C2CD2: variants seen among roughly 807,000 people sequenced by gnomAD.
The protein encoded by C2CD2 is C2 calcium dependent domain containing 2.
Under a neutral mutation model 74.3 loss-of-function variants are expected in C2CD2, and 43 were observed. That is an observed-to-expected ratio of 0.58 (90% CI 0.45 to 0.75). The LOEUF (loss-of-function observed/expected upper bound fraction) is 0.75. C2CD2 is among the 30% of genes least tolerant of loss of function. C2CD2 has a pLI of 0.00. For synonymous variants in C2CD2, 422 were observed against 390.7 expected (o/e 1.08, Z -0.94); for missense variants, 801 against 916.3 (o/e 0.87, Z 1.63).
At chr21:41,901,396 C>G in intron 12 of C2CD2, 1 of 589,988 alleles carries the variant, frequency 1.7e-6, no homozygotes, top group Non-Finnish European at 3.0e-6. Flanking sequence ...ACGTGTAAAG[C>G]GTCCCTGATT....
Position 41,903,113 on chromosome 21 carries a change from C to T in C2CD2, c.1433-1364G>A, listed in dbSNP as rs1445275893. On this transcript the variant is annotated intron_variant, in intron 11 of 13. Transcript: ENST00000380486. This position sits in a 1 kb window ranked among gnomAD's most constrained non-coding sequence, Gnocchi z 4.5. ...TCCAGGTTGTGAACCAACGCATGCA[C>T]GTACTGGGAAAGGGGCGACTCCACG... is the stretch of plus-strand genomic sequence containing the variant. Among the ~76,000 whole-genome samples the T allele has an allele frequency of 1.3e-5, 2 of 152,164 alleles. No homozygotes were observed. Among genetic ancestry groups the T allele is most frequent in the African/African-American group, 2.4e-5 (1 of 41,438 alleles).
rs1666209169 is a variant in C2CD2, at chr21:41,926,995, C to G, written c.379-4910G>C. On this transcript the variant is annotated intron_variant, in intron 2 of 13. Coordinates refer to ENST00000380486, the MANE Select transcript of C2CD2 (RefSeq NM_015500.2). This position sits in a 1 kb window ranked among gnomAD's most constrained non-coding sequence, Gnocchi z 8.0. ...TCCCCACTCTGCAAGCGAGTCTCAC[C>G]TCTGTAAATATCCTTTAAGACAGTA... is the stretch of plus-strand genomic sequence containing the variant. Among the ~76,000 whole-genome samples, 1 of 152,164 alleles carries G rather than the reference C, an allele frequency of 6.6e-6. No homozygotes were observed. Among genetic ancestry groups the G allele is most frequent in the South Asian group, 2.1e-4 (1 of 4,834 alleles).
intron 3 of C2CD2, among the ~76,000 whole-genome samples, chr21:41,921,184 G>T (rs1012608518): frequency 6.6e-6 from 1 of 152,238 alleles, no homozygotes; most frequent in African/African-American, 2.4e-5. Context: ...AATTCTGCAT[G>T]ACTTGAGCTC....
Position 41,914,529 on chromosome 21 carries a change from C to T in C2CD2, c.844+69G>A, listed in dbSNP as rs112367162. 3.2e-4 allele frequency: 459 copies of T among 1,450,088 alleles called. 2 individuals are homozygous for T. Among genetic ancestry groups the T allele is most frequent in the Middle Eastern group, 1.5e-3 (6 of 4,108 alleles). The allele number at this position is 1,450,088 out of a possible 1,614,324, so 89.8% of individuals were successfully genotyped here. On this transcript the variant is annotated intron_variant, in intron 6 of 13. Transcript: ENST00000380486. ...TGCCACCAGAGAATCCAAGGCCCCC[C>T]GGAGCCCCCGACTCTGCTCAGGGGC...
intron 2 of C2CD2, among the ~76,000 whole-genome samples, chr21:41,928,119 C>A (rs1878186465): frequency 6.6e-6 from 1 of 152,244 alleles, no homozygotes; most frequent in Admixed American, 6.5e-5. Context: ...GTTCCTTTAA[C>A]ATGAAGAGCA....
intron 13 of C2CD2, among the ~76,000 whole-genome samples, chr21:41,897,496 C>T (rs1225973072): frequency 6.6e-6 from 1 of 152,190 alleles, no homozygotes; most frequent in East Asian, 1.9e-4. Flanking sequence ...AACAGGAGCA[C>T]AGGAGCCTGC....
At chr21:41,948,868 A>ATTTTTTTTT (rs1569085046) in intron 1 of C2CD2, among the ~76,000 whole-genome samples, 6 of 31,068 alleles carry the variant, frequency 1.9e-4, no homozygotes, top group Non-Finnish European at 4.8e-4. Context: ...TCCACACAGC[A>ATTTTTTTTT]TCTTTTTTTT....
At chr21:41,894,164 G>C (rs2064792684) in intron 13 of C2CD2, among the ~76,000 whole-genome samples, 1 of 152,162 alleles carries the variant, frequency 6.6e-6, no homozygotes, top group African/African-American at 2.4e-5. Context: ...TCTCGAACAG[G>C]GCACAGTCAT....
intron 13 of C2CD2, among the ~76,000 whole-genome samples, chr21:41,898,339 G>T (rs1261067601): frequency 6.6e-6 from 1 of 152,204 alleles, no homozygotes; most frequent in Non-Finnish European, 1.5e-5. Context: ...GGAGGAGGAT[G>T]CTGAGGCTCG....
At position 41,903,354 on chromosome 21, in the gene C2CD2, C is replaced by A. The variant is rs976728619; in HGVS notation, c.1433-1605G>T. Among the ~76,000 whole-genome samples, 20 of 152,144 alleles carry A rather than the reference C, an allele frequency of 1.3e-4. No homozygotes were observed. Among genetic ancestry groups the A allele is most frequent in the Non-Finnish European group, 2.8e-4 (19 of 68,006 alleles). ...AAAAGTGTGGTAACCTGGGGACCCA[C>A]TATTTGCACCTGACATCTAAAGTGG... On this transcript the variant is annotated intron_variant, in intron 11 of 13. Transcript: ENST00000380486. This position sits in a 1 kb window ranked among gnomAD's most constrained non-coding sequence, Gnocchi z 4.5.
rs2064866446 is a variant in C2CD2, at chr21:41,899,446, C to T, written c.1561-84G>A. ...AAGAACTGAAAAGCACTCTCCAAAA[C>T]ATTCTGACAGCTGATTTCAAAGTCT... is the stretch of plus-strand genomic sequence containing the variant. On this transcript the variant is annotated intron_variant, in intron 12 of 13. Coordinates refer to ENST00000380486, the MANE Select transcript of C2CD2 (RefSeq NM_015500.2). This position sits in a 1 kb window ranked among gnomAD's most constrained non-coding sequence, Gnocchi z 4.4. 7.9e-7 allele frequency: 1 copy of T among 1,261,052 alleles called. No homozygotes were observed. Among genetic ancestry groups the T allele is most frequent in the Non-Finnish European group, 1.1e-6 (1 of 904,550 alleles). 78.1% of individuals were successfully genotyped at this position (1,261,052 alleles called of 1,614,324 possible).
chr21:41,947,492 T>G (rs2065411268), intron 1 of C2CD2, among the ~76,000 whole-genome samples: 1 of 152,168 alleles, frequency 6.6e-6, no homozygotes, highest in African/African-American at 2.4e-5. Flanking sequence ...TTAATCTCCT[T>G]GTGTTATGAA....
At chr21:41,901,493 T>G (rs1258007706) in intron 12 of C2CD2, 129 bp downstream of exon 12, 1 of 951,812 alleles carries the variant, frequency 1.1e-6, no homozygotes, top group East Asian at 2.4e-5. Context: ...AGGAACATAA[T>G]TTGACATTTG....
chr21:41,906,974 G>A lies in C2CD2; in HGVS notation c.1318+18C>T, dbSNP rs1005875598. 1.2e-6 allele frequency: 2 copies of A among 1,605,330 alleles called. No homozygotes were observed. The highest frequency in any genetic ancestry group is 2.7e-5 in the African/African-American group (2 of 74,676). On this transcript the variant is annotated intron_variant, in intron 10 of 13. Transcript: ENST00000380486. ...GCGTCATGCAGAAAGTTCCTCGACT[G>A]CGTTCCTGTTGTCTCACCAGAGCTC...
In C2CD2 at chr21:41,889,146, G is replaced by C; in HGVS notation, c.2069C>G (p.Ala690Gly). The C allele has an allele frequency of 6.2e-7, 1 of 1,612,262 alleles. No individual in the cohort carries two copies. Among genetic ancestry groups the C allele is most frequent in the Non-Finnish European group, 8.5e-7 (1 of 1,179,952 alleles). Residue 690 changes from alanine (A) to glycine (G), a missense_variant, in exon 14 of 14, where the codon GCC (alanine) becomes GGC (glycine). By Grantham distance (60) the Ala-to-Gly change is moderately conservative (BLOSUM62 0). Coordinates refer to ENST00000380486, the MANE Select transcript of C2CD2 (RefSeq NM_015500.2). Reference protein sequence around the residue: ...RHRNKNTMNGAPVEPCT With the variant: ...RHRNKNTMNGGPVEPCT The stretch of plus-strand genomic sequence containing the variant: ...GCCCTACGTGCAGGGCTCCACGGGG[G>C]CACCGTTCATGGTGTTCTTGTTTCT...
In C2CD2 at chr21:41,940,807, T is replaced by A. The variant is rs180808461; in HGVS notation, c.378+1340A>T. The stretch of plus-strand genomic sequence containing the variant: ...CCTAAAGTGAGACCATACCATCATG[T>A]CTAACTGCAACTCTAGACTGTAAGT... On this transcript the variant is annotated intron_variant, in intron 2 of 13. Transcript: ENST00000380486. 4.8e-3 allele frequency among the ~76,000 whole-genome samples: 738 copies of A among 152,332 alleles called. 4 individuals are homozygous for A. Among genetic ancestry groups the A allele is most frequent in the Non-Finnish European group, 7.2e-3 (492 of 68,028 alleles).
At chr21:41,949,638 G>A (rs2065433652) in intron 1 of C2CD2, among the ~76,000 whole-genome samples, 1 of 152,190 alleles carries the variant, frequency 6.6e-6, no homozygotes, top group South Asian at 2.1e-4. Context: ...TCCCATTACT[G>A]GGTATATATC....
chr21:41,926,195 C>T lies in C2CD2; in HGVS notation c.379-4110G>A, dbSNP rs556054724. 3.9e-5 allele frequency among the ~76,000 whole-genome samples: 6 copies of T among 152,200 alleles called. No individual in the cohort carries two copies. Among genetic ancestry groups the T allele is most frequent in the Non-Finnish European group, 7.3e-5 (5 of 68,054 alleles). ...TCCCTCGACAACAACCAACCATCCC[C>T]CAACCTGCATTTTTTTGACATTTTT... On this transcript the variant is annotated intron_variant, in intron 2 of 13. Coordinates refer to ENST00000380486, the MANE Select transcript of C2CD2 (RefSeq NM_015500.2). The surrounding 1 kb of genome is among the most constrained non-coding windows in gnomAD (Gnocchi z 8.0).
chr21:41,914,323 A>G lies in C2CD2; in HGVS notation c.844+275T>C, dbSNP rs190084443. ...AAAAAAAAAAAAAAGGAAAGAAAAG[A>G]TAAAAAAGGCAGGACAATTCCAGAC... On this transcript the variant is annotated intron_variant, in intron 6 of 13. Coordinates refer to ENST00000380486, the MANE Select transcript of C2CD2 (RefSeq NM_015500.2). Among the ~76,000 whole-genome samples the G allele has an allele frequency of 2.7e-3, 408 of 151,566 alleles. 3 individuals are homozygous for G. The highest frequency in any genetic ancestry group is 9.0e-3 in the African/African-American group (374 of 41,348).
Sources: gnomAD v4.1 joint callset for allele counts (sites outside exome capture counted in the v4.1 genomes callset) on GRCh38, gnomAD v4.1.1 for gene constraint, Gnocchi (gnomAD v3.1) non-coding constraint, MANE v1.5 for transcripts, NCBI Gene and HGNC (gene_info 2026-07-23, HGNC 2026-07-21) for gene names.